The following AKAP19 variants were observed in gnomAD, a reference collection of about 807,000 sequenced individuals.
AKAP19 encodes A-kinase anchoring protein 19.
chr2:190,038,979 T>TC, the AKAP19 span, among the ~76,000 whole-genome samples: 1 of 147,380 alleles, frequency 6.8e-6, no homozygotes, highest in African/African-American at 2.6e-5. Flanking sequence ...TCTTTCTTCT[T>TC]CTTCTTCCTT....
At chr2:190,054,910 G>A in the AKAP19 span, among the ~76,000 whole-genome samples, 1 of 152,210 alleles carries the variant, frequency 6.6e-6, no homozygotes, top group Non-Finnish European at 1.5e-5. Context: ...CATTGTGGAA[G>A]TCAGTGTGGC....
chr2:189,996,535 C>A, the AKAP19 span, among the ~76,000 whole-genome samples: 1 of 151,908 alleles, frequency 6.6e-6, no homozygotes, highest in Non-Finnish European at 1.5e-5. Flanking sequence ...TGTTTTTCAC[C>A]TTTCTCTGGT....
chr2:190,083,578 T>C, the AKAP19 span, among the ~76,000 whole-genome samples: 4 of 140,154 alleles, frequency 2.9e-5, no homozygotes, highest in Admixed American at 1.4e-4. Context: ...GATACAAAGT[T>C]GTTTTTCAGG....
chr2:190,110,559 A>C, the AKAP19 span, among the ~76,000 whole-genome samples: 1 of 152,236 alleles, frequency 6.6e-6, no homozygotes, highest in Non-Finnish European at 1.5e-5. Context: ...AGTTACAATA[A>C]AGAGAATAAA....
chr2:190,080,185 A>G, the AKAP19 span, among the ~76,000 whole-genome samples: 2 of 152,168 alleles, frequency 1.3e-5, no homozygotes, highest in Non-Finnish European at 2.9e-5. Flanking sequence ...AGAAGGATGT[A>G]GTTTTTTAAA....
the AKAP19 span, among the ~76,000 whole-genome samples, chr2:189,961,713 C>T: frequency 6.6e-6 from 1 of 151,872 alleles, no homozygotes; most frequent in Non-Finnish European, 1.5e-5. Flanking sequence ...GAGTTCAAGA[C>T]CAGCCTGGCC....
At chr2:189,999,144 T>C in the AKAP19 span, among the ~76,000 whole-genome samples, 1 of 152,034 alleles carries the variant, frequency 6.6e-6, no homozygotes, top group Admixed American at 6.5e-5. Context: ...AGTTTGCTCT[T>C]ATTTTTCCAG....
the AKAP19 span, among the ~76,000 whole-genome samples, chr2:190,162,639 T>G: frequency 6.6e-6 from 1 of 152,216 alleles, no homozygotes; most frequent in South Asian, 2.1e-4. Flanking sequence ...AATATTCCCA[T>G]GTTTACTTAA....
chr2:190,024,328 GTA>G, the AKAP19 span, among the ~76,000 whole-genome samples: 23 of 144,514 alleles, frequency 1.6e-4, no homozygotes, highest in South Asian at 4.3e-4. Flanking sequence ...GTGTGTGTGT[GTA>G]TATATATATA....
At chr2:189,996,162 T>G in the AKAP19 span, among the ~76,000 whole-genome samples, 1 of 152,214 alleles carries the variant, frequency 6.6e-6, no homozygotes. Flanking sequence ...CCAGGGAAGT[T>G]TTCCTCAATT....
At chr2:190,134,408 C>T in the AKAP19 span, among the ~76,000 whole-genome samples, 1 of 151,950 alleles carries the variant, frequency 6.6e-6, no homozygotes, top group African/African-American at 2.4e-5. Flanking sequence ...TTCAGTTTAT[C>T]AATTATTGGT....
At chr2:190,038,369 A>G in the AKAP19 span, among the ~76,000 whole-genome samples, 1 of 152,136 alleles carries the variant, frequency 6.6e-6, no homozygotes, top group Non-Finnish European at 1.5e-5. Context: ...AACCATCTGG[A>G]GAGGTCAGGA....
At chr2:189,918,089 T>A in the AKAP19 span, among the ~76,000 whole-genome samples, 4 of 152,058 alleles carry the variant, frequency 2.6e-5, no homozygotes, top group Non-Finnish European at 2.9e-5. Flanking sequence ...CCTTTATGTT[T>A]TTTTTACCCT....
At chr2:189,907,712 TATAG>T in the AKAP19 span, among the ~76,000 whole-genome samples, 34 of 152,172 alleles carry the variant, frequency 2.2e-4, 1 homozygote, top group South Asian at 7.0e-3. Context: ...GTAGTAGAAT[TATAG>T]ATAGTTTTAA....
the AKAP19 span, among the ~76,000 whole-genome samples, chr2:190,196,685 A>ATTAT: frequency 6.6e-6 from 1 of 151,942 alleles, no homozygotes; most frequent in African/African-American, 2.4e-5. Flanking sequence ...GTTAAAGAGG[A>ATTAT]TTATTTCTGT....
the AKAP19 span, among the ~76,000 whole-genome samples, chr2:189,887,704 A>G: frequency 6.6e-6 from 1 of 151,990 alleles, no homozygotes; most frequent in African/African-American, 2.4e-5. Flanking sequence ...TTTCATTTGC[A>G]TTTCTCTAAT....
chr2:190,194,518 A>ACG, the AKAP19 span, among the ~76,000 whole-genome samples: 1 of 148,408 alleles, frequency 6.7e-6, no homozygotes, highest in Non-Finnish European at 1.5e-5. Context: ...ACACACACAC[A>ACG]CGCAGCATCT....
the AKAP19 span, among the ~76,000 whole-genome samples, chr2:190,093,061 C>G: frequency 5.4e-3 from 815 of 152,036 alleles, 4 homozygotes; most frequent in Non-Finnish European, 8.2e-3. Context: ...AACTTCAAAC[C>G]ATAGGTAGAA....
the AKAP19 span, among the ~76,000 whole-genome samples, chr2:189,962,764 T>G: frequency 2.6e-5 from 4 of 152,174 alleles, no homozygotes; most frequent in South Asian, 8.3e-4. Context: ...CTAGGTTAAC[T>G]CTTTACATAA....
Sources: allele counts gnomAD v4.1 joint callset (sites outside exome capture counted in the v4.1 genomes callset), GRCh38; gene constraint gnomAD v4.1.1; transcripts MANE v1.5; gene names NCBI Gene and HGNC (gene_info 2026-07-23, HGNC 2026-07-21).